Variants in HHAT observed in about 807,000 individuals in gnomAD.
HHAT encodes the protein protein-cysteine N-palmitoyltransferase HHAT.
A neutral mutation model predicts 70.8 loss-of-function variants in HHAT; 47 were observed. That is an observed-to-expected ratio of 0.66 (90% CI 0.53 to 0.85). The LOEUF is 0.85. Among genes scored for constraint, HHAT ranks in the 40% least tolerant of loss-of-function variants. The probability of loss-of-function intolerance (pLI) is 0.00; values close to 1 mark genes in which losing one functional copy is unlikely to be tolerated. For missense variants in HHAT, 609 were observed against 604.8 expected, an observed-to-expected ratio of 1.01 and a Z score of -0.07; for synonymous variants, 228 against 247.6, an observed-to-expected ratio of 0.92 and a Z score of 0.74.
chr1:210,553,024 T>C (rs11584633), intron 9 of HHAT, among the ~76,000 whole-genome samples: 3 of 152,070 alleles, frequency 2.0e-5, no homozygotes, highest in African/African-American at 7.2e-5. Flanking sequence ...TATTCCCCCA[T>C]TCAGGTGACT....
At chr1:210,435,291 T>G (rs2093348467) in intron 7 of HHAT, among the ~76,000 whole-genome samples, 1 of 151,974 alleles carries the variant, frequency 6.6e-6, no homozygotes, top group Non-Finnish European at 1.5e-5. Flanking sequence ...CATGTTTCTA[T>G]AAATGACAGA....
intron 1 of HHAT, among the ~76,000 whole-genome samples, chr1:210,334,395 G>A (rs1386830746): frequency 6.6e-6 from 1 of 151,374 alleles, no homozygotes; most frequent in African/African-American, 2.4e-5. Flanking sequence ...GGCTCAAGTC[G>A]TCTGCCCACC....
intron 11 of HHAT, among the ~76,000 whole-genome samples, chr1:210,655,673 G>GA (rs1401723595): frequency 6.6e-6 from 1 of 152,182 alleles, no homozygotes; most frequent in Non-Finnish European, 1.5e-5. Context: ...AACCGAAGTG[G>GA]AAAAAATGTA....
intron 7 of HHAT, among the ~76,000 whole-genome samples, chr1:210,421,770 C>G (rs901998789): frequency 5.9e-5 from 9 of 152,088 alleles, no homozygotes; most frequent in African/African-American, 2.2e-4. Flanking sequence ...AATGAAATAA[C>G]TGTTAACTTT....
intron 9 of HHAT, among the ~76,000 whole-genome samples, chr1:210,576,019 C>T (rs965499189): frequency 2.0e-5 from 3 of 152,180 alleles, no homozygotes; most frequent in Non-Finnish European, 4.4e-5. Context: ...GTAGGCTTCT[C>T]TGCAGCCAGT....
chr1:210,563,135 G>C (rs1259433265), intron 9 of HHAT, among the ~76,000 whole-genome samples: 1 of 152,052 alleles, frequency 6.6e-6, no homozygotes, highest in African/African-American at 2.4e-5. Flanking sequence ...TGGTTTTAAT[G>C]CTTCTGGGTC....
At chr1:210,422,264 CT>C (rs1168231263) in intron 7 of HHAT, among the ~76,000 whole-genome samples, 1 of 152,148 alleles carries the variant, frequency 6.6e-6, no homozygotes, top group Non-Finnish European at 1.5e-5. Context: ...GTTATCATTT[CT>C]TTGTGTTGGG....
intron 9 of HHAT, among the ~76,000 whole-genome samples, chr1:210,527,385 T>C (rs1328120667): frequency 6.6e-6 from 1 of 152,208 alleles, no homozygotes. Context: ...CATGCTTCAC[T>C]TTCCTTATCT....
chr1:210,552,966 C>T (rs552742035), intron 9 of HHAT, among the ~76,000 whole-genome samples: 84 of 152,222 alleles, frequency 5.5e-4, no homozygotes, highest in Non-Finnish European at 9.3e-4. Flanking sequence ...CTTCATCTCA[C>T]ATCCCCAGCC....
Position 210,624,548 on chromosome 1 carries a change from G to A in HHAT, c.1390+878G>A, listed in dbSNP as rs151067272. Among the ~76,000 whole-genome samples the A allele has an allele frequency of 2.6e-5, 4 of 152,306 alleles. No individual in the cohort carries two copies. The East Asian group carries it at 5.8e-4, about 22-fold the overall frequency. ...TCTGTGTTTGCCACAGCTCTTGGTT[G>A]TGGGTATTTTTGTGTGAATACTAGG... On this transcript the variant is annotated intron_variant, in intron 11 of 11. Coordinates refer to ENST00000261458, the MANE Select transcript of HHAT (RefSeq NM_018194.6).
chr1:210,428,716 C>T (rs2093152814), intron 7 of HHAT, among the ~76,000 whole-genome samples: 1 of 151,738 alleles, frequency 6.6e-6, no homozygotes. Context: ...GTGGCTCATG[C>T]CTATAATCCC....
At chr1:210,332,733 A>G (rs1317070380) in intron 1 of HHAT, among the ~76,000 whole-genome samples, 1 of 152,232 alleles carries the variant, frequency 6.6e-6, no homozygotes, top group Non-Finnish European at 1.5e-5. Flanking sequence ...TCATGGCTTC[A>G]TTGGATAGCC....
At chr1:210,417,146 C>A (rs1446305642) in intron 6 of HHAT, among the ~76,000 whole-genome samples, 5 of 152,156 alleles carry the variant, frequency 3.3e-5, no homozygotes, top group African/African-American at 1.2e-4. Context: ...TTAAAGAAGA[C>A]CTGATAAATG....
chr1:210,583,317 G>A (rs901711538), intron 9 of HHAT, among the ~76,000 whole-genome samples: 4 of 152,186 alleles, frequency 2.6e-5, no homozygotes, highest in African/African-American at 7.2e-5. Flanking sequence ...ACGCGAAGCC[G>A]GCCAGGCAGA....
chr1:210,451,004 G>C (rs186786465), intron 7 of HHAT, among the ~76,000 whole-genome samples: 1,839 of 150,514 alleles, frequency 0.012, 30 homozygotes, highest in African/African-American at 0.041. Flanking sequence ...GGAGAATGGT[G>C]TGAACCCGGG....
intron 7 of HHAT, among the ~76,000 whole-genome samples, chr1:210,420,990 C>T (rs976423224): frequency 6.6e-5 from 10 of 152,012 alleles, no homozygotes; most frequent in African/African-American, 1.4e-4. Context: ...TTTAATTTGG[C>T]GAAACCAATT....
In HHAT at chr1:210,673,957, C is replaced by CTTTT. The variant is rs1318957937; in HGVS notation, c.1391-320_1391-317dup. ...GATTCGTTAAAAGCTTGCCCTATTT[C>CTTTT]TTTTTTTTTTTTTTATTATACTTTA... On this transcript the variant is annotated intron_variant, in intron 11 of 11. Coordinates refer to ENST00000261458, the MANE Select transcript of HHAT (RefSeq NM_018194.6). Among the ~76,000 whole-genome samples the CTTTT allele has an allele frequency of 1.5e-3, 219 of 141,458 alleles. 1 individual carries two copies. Among genetic ancestry groups the CTTTT allele is most frequent in the Middle Eastern group, 3.6e-3 (1 of 274 alleles). 92.8% of individuals were successfully genotyped at this position (141,458 alleles called of 152,430 possible).
chr1:210,363,038 C>T, intron 3 of HHAT, 119 bp downstream of exon 3: 1 of 852,734 alleles, frequency 1.2e-6, no homozygotes, highest in Non-Finnish European at 1.9e-6. Context: ...AATGAAGCAC[C>T]CTTTTTGCCG....
chr1:210,638,585 A>G (rs547563828), intron 11 of HHAT, among the ~76,000 whole-genome samples: 22 of 152,146 alleles, frequency 1.4e-4, no homozygotes, highest in Non-Finnish European at 2.8e-4. Context: ...GAAATATTCT[A>G]AAATTGAATA....
Sources: allele counts gnomAD v4.1 joint callset (sites outside exome capture counted in the v4.1 genomes callset), GRCh38; gene constraint gnomAD v4.1.1; transcripts MANE v1.5; gene names NCBI Gene and HGNC (gene_info 2026-07-23, HGNC 2026-07-21).